Variants in GRK3 observed in about 807,000 individuals in gnomAD.
GRK3 encodes the protein adrenergic, beta, receptor kinase 2.
Under a neutral mutation model 95.7 loss-of-function variants are expected in GRK3, and 54 were observed. That is an observed-to-expected ratio of 0.56 (90% CI 0.45 to 0.71). The LOEUF is 0.71. GRK3 is among the 30% of genes least tolerant of loss of function. GRK3 has a pLI of 0.00. For missense variants in GRK3, 649 were observed against 851.2 expected (o/e 0.76, Z 2.96); for synonymous variants, 281 against 290.8 (o/e 0.97, Z 0.34).
chr22:25,626,078 C>G (rs1375073856), intron 2 of GRK3, among the ~76,000 whole-genome samples: 1 of 152,210 alleles, frequency 6.6e-6, no homozygotes, highest in Non-Finnish European at 1.5e-5. Context: ...TTTCTACACT[C>G]TCTCGTCGCC....
rs2085083941 is a variant in GRK3, at chr22:25,682,700, A to T, written c.748-2470A>T. ...TCTAAGTGGATTTCATAGATAAAAT[A>T]GATCTAAATAGAGCTAATAGATCTA... On this transcript the variant is annotated intron_variant, in intron 9 of 20. Coordinates refer to ENST00000324198, the MANE Select transcript of GRK3 (RefSeq NM_005160.4). Among the ~76,000 whole-genome samples the T allele has an allele frequency of 1.3e-5, 2 of 152,244 alleles. 1 individual carries two copies. Among genetic ancestry groups the T allele is most frequent in the South Asian group, 4.1e-4 (2 of 4,834 alleles).
intron 12 of GRK3, among the ~76,000 whole-genome samples, chr22:25,694,260 A>C (rs913639312): frequency 6.6e-6 from 1 of 152,136 alleles, no homozygotes; most frequent in African/African-American, 2.4e-5. Flanking sequence ...CGTGGATGAA[A>C]AGGTTGTAGG....
intron 3 of GRK3, among the ~76,000 whole-genome samples, chr22:25,646,586 A>G (rs1436642555): frequency 2.0e-5 from 3 of 152,256 alleles, no homozygotes; most frequent in Non-Finnish European, 2.9e-5. Context: ...TTGGGTGTCA[A>G]TATAAGACTA....
chr22:25,648,856 C>A, intron 3 of GRK3: 1 of 1,034,254 alleles, frequency 9.7e-7, no homozygotes, highest in Non-Finnish European at 1.5e-6. Flanking sequence ...TTTGGTTTAG[C>A]AAGGTTAATT....
intron 11 of GRK3, among the ~76,000 whole-genome samples, chr22:25,689,536 C>A (rs2085148634): frequency 6.6e-6 from 1 of 152,102 alleles, no homozygotes; most frequent in African/African-American, 2.4e-5. Context: ...CAATGTATAT[C>A]CGAGAGACTA....
intron 2 of GRK3, among the ~76,000 whole-genome samples, chr22:25,641,282 C>T (rs74586310): frequency 0.022 from 3,392 of 152,132 alleles, 57 homozygotes; most frequent in Middle Eastern, 0.068. Context: ...TTCATTCATT[C>T]AACTCCCTCT....
chr22:25,600,109 A>G (rs1208301210), intron 1 of GRK3, among the ~76,000 whole-genome samples: 2 of 151,714 alleles, frequency 1.3e-5, no homozygotes, highest in Non-Finnish European at 2.9e-5. Context: ...TCAGCTGCCC[A>G]TATCTGTGGG....
At chr22:25,664,852 A>C (rs2084931967) in intron 5 of GRK3, among the ~76,000 whole-genome samples, 1 of 152,180 alleles carries the variant, frequency 6.6e-6, no homozygotes, top group Non-Finnish European at 1.5e-5. Flanking sequence ...TTTATGCAAA[A>C]TGAATTTGAT....
At chr22:25,696,540 C>T (rs748371098) in intron 13 of GRK3, among the ~76,000 whole-genome samples, 2 of 152,172 alleles carry the variant, frequency 1.3e-5, no homozygotes, top group Non-Finnish European at 2.9e-5. Flanking sequence ...ATTATTCAGA[C>T]TCATAAATCA....
intron 8 of GRK3, among the ~76,000 whole-genome samples, chr22:25,678,453 C>CAA (rs34319892): frequency 1.3e-5 from 2 of 148,852 alleles, no homozygotes; most frequent in East Asian, 2.0e-4. Flanking sequence ...GACTCTGTCT[C>CAA]AAAAAAAAAC....
intron 1 of GRK3, among the ~76,000 whole-genome samples, chr22:25,600,152 T>TTG (rs1422234467): frequency 6.6e-6 from 1 of 151,620 alleles, no homozygotes; most frequent in East Asian, 1.9e-4. Context: ...GCAGGGTTTT[T>TTG]TTTTTTTTTT....
chr22:25,618,297 G>C (rs1468498155), intron 2 of GRK3, among the ~76,000 whole-genome samples: 1 of 152,220 alleles, frequency 6.6e-6, no homozygotes, highest in Non-Finnish European at 1.5e-5. Flanking sequence ...CATTACGTTT[G>C]CGATGTCTTT....
rs2084910722 is a variant in GRK3, at chr22:25,661,689, T to G, written c.366+12T>G. On this transcript the variant is annotated intron_variant, in intron 4 of 20. Transcript: ENST00000324198. ...TTTCCTGTTCACATGTAAGTATTTC[T>G]TCTTACTCTGTTACTTTAGTACTGA... 6.5e-7 allele frequency: 1 copy of G among 1,526,856 alleles called. No homozygotes were observed. Among genetic ancestry groups the G allele is most frequent in the Admixed American group, 1.7e-5 (1 of 58,570 alleles). The allele number at this position is 1,526,856 out of a possible 1,614,324, so 94.6% of individuals were successfully genotyped here. A position where few individuals can be genotyped will look rare whatever the true frequency, so the allele number is the denominator to read the frequency against.
chr22:25,652,475 G>A (rs1385325339), intron 3 of GRK3, among the ~76,000 whole-genome samples: 1 of 152,138 alleles, frequency 6.6e-6, no homozygotes, highest in Non-Finnish European at 1.5e-5. Flanking sequence ...CAATAATGTC[G>A]TGTTTCTCGA....
chr22:25,678,683 G>T, intron 8 of GRK3, 133 bp from the exon 9 acceptor site: 1 of 456,216 alleles, frequency 2.2e-6, no homozygotes. Context: ...TTCTTGCATG[G>T]CGCTTGGGTA....
chr22:25,619,134 G>A (rs1382025365), intron 2 of GRK3, among the ~76,000 whole-genome samples: 1 of 152,138 alleles, frequency 6.6e-6, no homozygotes. Flanking sequence ...GACATATAGC[G>A]CCTTTGTTAT....
intron 2 of GRK3, among the ~76,000 whole-genome samples, chr22:25,635,224 G>A (rs1398874646): frequency 8.5e-5 from 13 of 152,104 alleles, no homozygotes; most frequent in Non-Finnish European, 1.0e-4. Flanking sequence ...CAGTTTCATT[G>A]TTTGCATACA....
In GRK3 at chr22:25,724,108, CT is replaced by C. The variant is rs2085455564; in HGVS notation, c.*1659del. 1 of 146,194 alleles carries C rather than the reference CT, an allele frequency of 6.8e-6. No individual in the cohort carries two copies. The highest frequency in any genetic ancestry group is 1.9e-4 in the East Asian group (1 of 5,134). 9.1% of individuals were successfully genotyped at this position (146,194 alleles called of 1,614,324 possible). ...AAAAAGGAAGAATAGTATTCAAATT[CT>C]GTTGAAACACACACACACACACACA... On this transcript the variant is annotated 3_prime_UTR_variant, in exon 21 of 21. Transcript: ENST00000324198.
chr22:25,587,130 ATC>A (rs1932340056), intron 1 of GRK3, among the ~76,000 whole-genome samples: 2 of 152,132 alleles, frequency 1.3e-5, no homozygotes, highest in Non-Finnish European at 2.9e-5. Flanking sequence ...ACCTCAGGTG[ATC>A]CCCCTGCCTC....
Sources: allele counts gnomAD v4.1 joint callset (sites outside exome capture counted in the v4.1 genomes callset), GRCh38; gene constraint gnomAD v4.1.1; transcripts MANE v1.5; gene names NCBI Gene and HGNC (gene_info 2026-07-23, HGNC 2026-07-21).